Variants in TMEM161A observed in about 807,000 individuals in gnomAD.
The protein encoded by TMEM161A is transmembrane protein 161A, also known as adaptive response to oxidative stress protein 29.
TMEM161A carries 46 observed loss-of-function variants against 57.1 expected under a neutral mutation model. The observed-to-expected ratio is 0.81, with a 90% CI of 0.64 to 1.03. TMEM161A has a LOEUF of 1.03. Among genes scored for constraint, TMEM161A ranks in the 50% least tolerant of loss-of-function variants. The pLI is 0.00. For missense variants in TMEM161A, 601 were observed against 621.5 expected (o/e 0.97, Z 0.35); for synonymous variants, 288 against 279.0 (o/e 1.03, Z -0.32).
At chr19:19,133,448 G>A in intron 2 of TMEM161A, 1 of 487,210 alleles carries the variant, frequency 2.1e-6, no homozygotes, top group African/African-American at 2.0e-5. Flanking sequence ...TCCTGGGGAA[G>A]CCAGTGTGTG....
chr19:19,135,103 C>T (rs896513590), intron 1 of TMEM161A, among the ~76,000 whole-genome samples: 1 of 152,178 alleles, frequency 6.6e-6, no homozygotes, highest in Non-Finnish European at 1.5e-5. Context: ...CCCACCCTCA[C>T]CACCTAGCGG....
chr19:19,119,973 C>A lies in TMEM161A; in HGVS notation c.1397G>T (p.Ser466Ile). The change falls in exon 12 of 12, where the codon AGC (serine) becomes ATC (isoleucine). Residue 466 changes from serine (S) to isoleucine (I), a missense_variant. Ser to Ile is a moderately radical substitution (Grantham distance 142). Transcript: ENST00000162044. ...WWTAACQLLA[S>I]LFGLYFHQHL... Reference sequence around the variant, plus strand: ...CTGGTGGAAGTAGAGGCCGAAAAGGCTGGCGAGCAGCTGGCAGGCAGCCGT... The same window carrying A: ...CTGGTGGAAGTAGAGGCCGAAAAGGATGGCGAGCAGCTGGCAGGCAGCCGT... 1 of 1,569,058 alleles carries A rather than the reference C, an allele frequency of 6.4e-7. No homozygotes were observed. The highest frequency in any genetic ancestry group is 2.3e-5 in the East Asian group (1 of 42,566).
chr19:19,134,356 C>T (rs990676766), intron 2 of TMEM161A, among the ~76,000 whole-genome samples: 2 of 152,120 alleles, frequency 1.3e-5, no homozygotes, highest in African/African-American at 4.8e-5. Context: ...AATCCCAGCA[C>T]TTTGGGAGGC....
rs770922372 is a variant in TMEM161A at position 19,119,990 on chromosome 19, G to A, written c.1380C>T (p.Ala460=). 9.5e-6 allele frequency: 15 copies of A among 1,582,004 alleles called. No homozygotes were observed. In the Admixed American group the frequency reaches 1.1e-4, roughly 11 times the overall value. ...VLAYLIWWTA[A]CQLLASLFGL... ...CGAAAAGGCTGGCGAGCAGCTGGCA[G>A]GCAGCCGTCCACCAGATGAGGTAGG... Residue 460 remains alanine (A), a synonymous_variant, in exon 12 of 12, where the codon GCC becomes GCT. Transcript: ENST00000162044.
chr19:19,120,069 A>G lies in TMEM161A; in HGVS notation c.1301T>C (p.Ile434Thr), dbSNP rs1382219282. ...AAGCAGGCCACCCAGAGCCCCGGCA[A>G]TCCGCGCTGCAGTCTGCTGGACTTC... ...EDEVQQTAAR[I>T]AGALGGLLTP... Residue 434 changes from isoleucine (I) to threonine (T), a missense_variant, in exon 12 of 12, where the codon ATT (isoleucine) becomes ACT (threonine). Coordinates refer to ENST00000162044, the MANE Select transcript of TMEM161A (RefSeq NM_017814.3). 1.3e-6 allele frequency: 2 copies of G among 1,593,788 alleles called. No homozygotes were observed. Among genetic ancestry groups the G allele is most frequent in the Admixed American group, 1.8e-5 (1 of 56,898 alleles).
chr19:19,119,993 A>G lies in TMEM161A; in HGVS notation c.1377T>C (p.Ala459=). 1 of 1,584,144 alleles carries G rather than the reference A, an allele frequency of 6.3e-7. No individual in the cohort carries two copies. The highest frequency in any genetic ancestry group is 1.1e-5 in the South Asian group (1 of 86,980). ...GVLAYLIWWT[A]ACQLLASLFG... is the part of the protein sequence containing the mutation. The stretch of plus-strand genomic sequence containing the variant: ...AAAGGCTGGCGAGCAGCTGGCAGGC[A>G]GCCGTCCACCAGATGAGGTAGGCCA... Residue 459 remains alanine, a synonymous_variant, in exon 12 of 12, where the codon GCT becomes GCC. Transcript: ENST00000162044.
chr19:19,121,464 TCTC>T lies in TMEM161A; in HGVS notation c.801-46_801-44del. On this transcript the variant is annotated intron_variant, in intron 8 of 11. Transcript: ENST00000162044. The surrounding 1 kb of genome is among the most constrained non-coding windows in gnomAD (Gnocchi z 5.8). Reference sequence around the variant, plus strand: ...GAGGGAGTGAGGCCTGGGTACCCCCTCTCCTCGAGTCTCTCCCTTAAGCTCCCT... The same window carrying T: ...GAGGGAGTGAGGCCTGGGTACCCCCTCTCGAGTCTCTCCCTTAAGCTCCCT... The T allele has an allele frequency of 6.2e-7, 1 of 1,613,278 alleles. No individual in the cohort carries two copies. Among genetic ancestry groups the T allele is most frequent in the Non-Finnish European group, 8.5e-7 (1 of 1,179,490 alleles).
chr19:19,124,838 C>G (rs1183253265), intron 6 of TMEM161A, among the ~76,000 whole-genome samples: 1 of 151,988 alleles, frequency 6.6e-6, no homozygotes, highest in Non-Finnish European at 1.5e-5. Context: ...ACCTGTAATC[C>G]CAGCTACTCA....
Position 19,121,263 on chromosome 19 carries a change from A to C in TMEM161A, c.914+45T>G. The C allele has an allele frequency of 1.9e-6, 3 of 1,550,948 alleles. No homozygotes were observed. The highest frequency in any genetic ancestry group is 2.6e-6 in the Non-Finnish European group (3 of 1,146,042). ...CTCCCTGAATCTCAGAGGCTAGGGC[A>C]CCCAGGGGAGCCCCAGCTACCTCCT... On this transcript the variant is annotated intron_variant, in intron 9 of 11. Transcript: ENST00000162044. The surrounding 1 kb of genome is among the most constrained non-coding windows in gnomAD (Gnocchi z 5.8).
At chr19:19,120,209 A>G in intron 11 of TMEM161A, 26 bp from the exon 12 acceptor site, 1 of 1,509,882 alleles carries the variant, frequency 6.6e-7, no homozygotes, top group Non-Finnish European at 8.9e-7. Context: ...GAAGCGAGGT[A>G]TGAGTGGAAA....
At position 19,121,910 on chromosome 19, in the gene TMEM161A, G is replaced by A. The variant is rs564913308; in HGVS notation, c.596-91C>T. 4.8e-5 allele frequency: 69 copies of A among 1,433,336 alleles called. No homozygotes were observed. Among genetic ancestry groups the A allele is most frequent in the South Asian group, 4.8e-4 (39 of 81,838 alleles). 88.8% of individuals were successfully genotyped at this position (1,433,336 alleles called of 1,614,324 possible). On this transcript the variant is annotated intron_variant, in intron 6 of 11. Transcript: ENST00000162044. This position sits in a 1 kb window ranked among gnomAD's most constrained non-coding sequence, Gnocchi z 5.8. ...CTAACCCCCCATCCCTCAGGCATCC[G>A]TTTGCTTCCCAAGTAGGAATGAACA... is the stretch of plus-strand genomic sequence containing the variant.
chr19:19,125,274 C>G (rs933169822), intron 6 of TMEM161A, among the ~76,000 whole-genome samples: 1 of 152,130 alleles, frequency 6.6e-6, no homozygotes, highest in African/African-American at 2.4e-5. Flanking sequence ...TATATGATAA[C>G]ACAAAAATTA....
rs2059976665 is a variant in TMEM161A, at chr19:19,134,752, C to T, written c.107+32G>A. ...GGAGCCAGAAGGGGGCGTGACTCCGCGGGCCCCTCCCACCGCCGGGGCGGG... is the reference window on the plus strand; with the variant it reads ...GGAGCCAGAAGGGGGCGTGACTCCGTGGGCCCCTCCCACCGCCGGGGCGGG... On this transcript the variant is annotated intron_variant, in intron 2 of 11. Coordinates refer to ENST00000162044, the MANE Select transcript of TMEM161A (RefSeq NM_017814.3). 4.7e-6 allele frequency: 7 copies of T among 1,504,852 alleles called. No homozygotes were observed. In the South Asian group the frequency reaches 7.2e-5, roughly 16 times the overall value. The allele number at this position is 1,504,852 out of a possible 1,614,324, so 93.2% of individuals were successfully genotyped here.
Position 19,119,843 on chromosome 19 carries a change from G to A in TMEM161A, c.*87C>T. 1 of 1,472,914 alleles carries A rather than the reference G, an allele frequency of 6.8e-7. No homozygotes were observed. Among genetic ancestry groups the A allele is most frequent in the Non-Finnish European group, 9.1e-7 (1 of 1,097,368 alleles). The allele number at this position is 1,472,914 out of a possible 1,614,324, so 91.2% of individuals were successfully genotyped here. ...GAGTCCGGCCCCACCTTGCAGCTGG[G>A]GACACGGGGGCGCAAACAGAGGGGG... On this transcript the variant is annotated 3_prime_UTR_variant, in exon 12 of 12. Transcript: ENST00000162044.
intron 6 of TMEM161A, among the ~76,000 whole-genome samples, chr19:19,129,107 T>C (rs965526037): frequency 6.6e-5 from 10 of 152,116 alleles, no homozygotes; most frequent in African/African-American, 2.4e-4. Flanking sequence ...GAGGGCTAGG[T>C]TGGCAAAAAT....
At chr19:19,128,416 G>C (rs1035142316) in intron 6 of TMEM161A, among the ~76,000 whole-genome samples, 2 of 151,670 alleles carry the variant, frequency 1.3e-5, no homozygotes, top group African/African-American at 4.8e-5. Flanking sequence ...ATTTTTAGTA[G>C]AGACAGGGTT....
Position 19,132,277 on chromosome 19 carries a change from C to T in TMEM161A, c.443+75G>A. On this transcript the variant is annotated intron_variant, in intron 5 of 11. Coordinates refer to ENST00000162044, the MANE Select transcript of TMEM161A (RefSeq NM_017814.3). This position sits in a 1 kb window ranked among gnomAD's most constrained non-coding sequence, Gnocchi z 4.3. The stretch of plus-strand genomic sequence containing the variant: ...GCACAGCAGGTGAAAACTGCCACAC[C>T]AGTTTAGGGGAGCCAGGGAAGCTCA... 2 of 1,512,682 alleles carry T rather than the reference C, an allele frequency of 1.3e-6. No homozygotes were observed. The highest frequency in any genetic ancestry group is 1.8e-6 in the Non-Finnish European group (2 of 1,124,642). The allele number at this position is 1,512,682 out of a possible 1,614,324, so 93.7% of individuals were successfully genotyped here. A position where few individuals can be genotyped will look rare whatever the true frequency, so the allele number is the denominator to read the frequency against.
chr19:19,128,898 T>C (rs1182136148), intron 6 of TMEM161A, among the ~76,000 whole-genome samples: 1 of 152,184 alleles, frequency 6.6e-6, no homozygotes, highest in African/African-American at 2.4e-5. Flanking sequence ...TGGTGAATTT[T>C]ATGTTTTGTC....
In TMEM161A at chr19:19,120,870, A is replaced by T; in HGVS notation, c.1090-9T>A. 6.2e-7 allele frequency: 1 copy of T among 1,613,282 alleles called. No individual in the cohort carries two copies. ...CAGTAGACTCGGACCACCTGTGGGC[A>T]GGTAGCAGGGGTGGCTGCAGCAGGA... On this transcript the variant is annotated splice_polypyrimidine_tract_variant and intron_variant, in intron 10 of 11. Transcript: ENST00000162044.
Sources: gnomAD v4.1 joint callset for allele counts (sites outside exome capture counted in the v4.1 genomes callset) on GRCh38, gnomAD v4.1.1 for gene constraint, Gnocchi (gnomAD v3.1) non-coding constraint, MANE v1.5 for transcripts, NCBI Gene and HGNC (gene_info 2026-07-23, HGNC 2026-07-21) for gene names.